The following CNIH3 variants were observed in gnomAD, a reference collection of about 807,000 sequenced individuals.
The protein encoded by CNIH3 is protein cornichon homolog 3.
In CNIH3, 14 loss-of-function variants were observed where a neutral mutation model predicts 24.1. The ratio of observed to expected loss-of-function variants is 0.58; its 90% confidence interval spans 0.38 to 0.91. The LOEUF is 0.91. Among genes scored for constraint, CNIH3 ranks in the 40% least tolerant of loss-of-function variants. The probability of loss-of-function intolerance (pLI) is 0.00; values close to 1 mark genes in which losing one functional copy is unlikely to be tolerated. For missense variants in CNIH3, 178 were observed against 196.8 expected (o/e 0.90, Z 0.57); for synonymous variants, 68 against 73.8 (o/e 0.92, Z 0.40).
chr1:224,695,139 T>C (rs927947376), intron 3 of CNIH3, among the ~76,000 whole-genome samples: 2 of 152,198 alleles, frequency 1.3e-5, no homozygotes, highest in East Asian at 3.9e-4. Context: ...TCTTTTCTTC[T>C]GTGGGTGGGC....
intron 1 of CNIH3, among the ~76,000 whole-genome samples, chr1:224,652,213 T>C (rs1684890429): frequency 6.6e-6 from 1 of 152,100 alleles, no homozygotes; most frequent in Non-Finnish European, 1.5e-5. Context: ...TCCTGTGTGC[T>C]GCCTCTGGCC....
chr1:224,597,434 C>G (rs1002518433), intron 3 of CNIH3, among the ~76,000 whole-genome samples: 1 of 152,200 alleles, frequency 6.6e-6, no homozygotes, highest in Non-Finnish European at 1.5e-5. Context: ...AGACAGGCCT[C>G]GCTAGGTTTC....
At chr1:224,481,155 A>G (rs1015710020) in intron 1 of CNIH3, among the ~76,000 whole-genome samples, 1 of 152,214 alleles carries the variant, frequency 6.6e-6, no homozygotes, top group Non-Finnish European at 1.5e-5. Context: ...ACTCCTCCTT[A>G]TCATAACCAT....
rs145112282 is a variant in CNIH3, at chr1:224,586,043, A to C, written n.621-2318A>C. 5.3e-5 allele frequency among the ~76,000 whole-genome samples: 8 copies of C among 152,344 alleles called. No individual in the cohort carries two copies. In the East Asian group the frequency reaches 1.5e-3, roughly 29 times the overall value. On this transcript the variant is annotated intron_variant and non_coding_transcript_variant, in intron 5 of 5. Transcript: ENST00000471578. ...GAACTCAGGACATCATGGAGGAAAA[A>C]GGAAAGACTTCCTTCCCCTAGTACT...
chr1:224,520,792 G>A (rs139834972), intron 1 of CNIH3, among the ~76,000 whole-genome samples: 2 of 152,190 alleles, frequency 1.3e-5, no homozygotes, highest in African/African-American at 4.8e-5. Flanking sequence ...ATGAAGAGAG[G>A]CTCATGTGTG....
intron 2 of CNIH3, among the ~76,000 whole-genome samples, chr1:224,535,244 G>T (rs961759127): frequency 1.3e-5 from 2 of 152,120 alleles, no homozygotes; most frequent in Non-Finnish European, 2.9e-5. Flanking sequence ...ACAGAGACAC[G>T]CAGGGAGAAC....
At chr1:224,483,159 G>A (rs981546570) in intron 1 of CNIH3, among the ~76,000 whole-genome samples, 1 of 152,156 alleles carries the variant, frequency 6.6e-6, no homozygotes, top group African/African-American at 2.4e-5. Flanking sequence ...CCTCTCCAGT[G>A]CCTCTTTGAG....
intron 4 of CNIH3, 87 bp downstream of exon 4, chr1:224,730,661 T>C: frequency 1.3e-6 from 1 of 743,298 alleles, no homozygotes; most frequent in Non-Finnish European, 2.3e-6. Flanking sequence ...AATAGACAGC[T>C]TCTATTGCCT....
chr1:224,539,650 C>A (rs1679435093), downstream of CNIH3, among the ~76,000 whole-genome samples: 1 of 152,276 alleles, frequency 6.6e-6, no homozygotes, highest in South Asian at 2.1e-4. Context: ...CTGCCCCATA[C>A]TGGCCATACT....
chr1:224,440,981 T>C (rs929346385), intron 1 of CNIH3, among the ~76,000 whole-genome samples: 1 of 152,114 alleles, frequency 6.6e-6, no homozygotes, highest in African/African-American at 2.4e-5. Context: ...CATGCCCGGC[T>C]AATTTTTTGT....
chr1:224,538,546 C>T, downstream of CNIH3, among the ~76,000 whole-genome samples: 1 of 152,114 alleles, frequency 6.6e-6, no homozygotes, highest in East Asian at 1.9e-4. Context: ...AAACCCCATG[C>T]CTCCCAGTAC....
chr1:224,725,611 C>G (rs955725129), intron 3 of CNIH3, among the ~76,000 whole-genome samples: 1 of 152,148 alleles, frequency 6.6e-6, no homozygotes, highest in Non-Finnish European at 1.5e-5. Flanking sequence ...ATAGCTGTGA[C>G]TTTTAAAGTG....
chr1:224,495,809 G>A (rs1677415061), intron 1 of CNIH3, among the ~76,000 whole-genome samples: 1 of 152,122 alleles, frequency 6.6e-6, no homozygotes, highest in Non-Finnish European at 1.5e-5. Context: ...CGGGCTGAGT[G>A]TGGGCATCAT....
chr1:224,612,386 TGAG>T (rs1211168315), upstream of CNIH3, among the ~76,000 whole-genome samples: 4 of 152,168 alleles, frequency 2.6e-5, no homozygotes, highest in Admixed American at 6.5e-5. This position sits in a 1 kb window ranked among gnomAD's most constrained non-coding sequence, Gnocchi z 4.7. Context: ...TTCTTAATCT[TGAG>T]GAGGAGACTG....
chr1:224,530,684 C>T (rs1389813500), intron 2 of CNIH3, among the ~76,000 whole-genome samples: 1 of 152,010 alleles, frequency 6.6e-6, no homozygotes, highest in Non-Finnish European at 1.5e-5. Context: ...ACTGCAACCT[C>T]TGCCTCCTGG....
chr1:224,716,131 A>C (rs1453810346), intron 3 of CNIH3, among the ~76,000 whole-genome samples: 1 of 152,172 alleles, frequency 6.6e-6, no homozygotes, highest in South Asian at 2.1e-4. Flanking sequence ...ATATGACTCC[A>C]TCACATTCTG....
intron 1 of CNIH3, among the ~76,000 whole-genome samples, chr1:224,510,117 A>G (rs1678082465): frequency 6.6e-6 from 1 of 152,000 alleles, no homozygotes; most frequent in African/African-American, 2.4e-5. Context: ...TAAACTTGAT[A>G]ACTGAACTCT....
intron 2 of CNIH3, among the ~76,000 whole-genome samples, chr1:224,526,795 T>C (rs1486688851): frequency 1.3e-5 from 2 of 152,192 alleles, no homozygotes; most frequent in Non-Finnish European, 2.9e-5. Flanking sequence ...GGCATAGCGA[T>C]GGCTTCTGCT....
chr1:224,582,660 C>T (rs891229448), intron 4 of CNIH3, among the ~76,000 whole-genome samples: 8 of 152,076 alleles, frequency 5.3e-5, no homozygotes, highest in African/African-American at 1.4e-4. Context: ...TTGAAATCAG[C>T]GTGGGGGACT....
Sources: allele counts gnomAD v4.1 joint callset (sites outside exome capture counted in the v4.1 genomes callset), GRCh38; gene constraint gnomAD v4.1.1; non-coding constraint Gnocchi (gnomAD v3.1); transcripts MANE v1.5; gene names NCBI Gene and HGNC (gene_info 2026-07-23, HGNC 2026-07-21).